Variants in VTI1A observed in about 807,000 individuals in gnomAD.
VTI1A encodes the protein vesicle transport through interaction with t-SNAREs 1A.
Under a neutral mutation model 34.9 loss-of-function variants are expected in VTI1A, and 22 were observed. The observed-to-expected ratio is 0.63, with a 90% CI of 0.45 to 0.90. The LOEUF is 0.90. Among genes scored for constraint, VTI1A ranks in the 40% least tolerant of loss-of-function variants. The pLI, the probability that VTI1A is intolerant of heterozygous loss-of-function variation, is 0.00. For synonymous variants in VTI1A, 87 were observed against 97.3 expected, an observed-to-expected ratio of 0.89 and a Z score of 0.62; for missense variants, 268 against 275.6, an observed-to-expected ratio of 0.97 and a Z score of 0.20.
chr10:112,598,428 A>G (rs1844752631), intron 5 of VTI1A, among the ~76,000 whole-genome samples: 1 of 152,186 alleles, frequency 6.6e-6, no homozygotes, highest in Non-Finnish European at 1.5e-5. Context: ...TCTGTGAAGC[A>G]TTTTGTGATG....
chr10:112,710,413 G>T (rs1207949398), intron 7 of VTI1A, among the ~76,000 whole-genome samples: 2 of 151,834 alleles, frequency 1.3e-5, no homozygotes, highest in East Asian at 1.9e-4. Flanking sequence ...TGCCATGTTG[G>T]TCAGGCTGGT....
chr10:112,476,334 A>C (rs1433909644), intron 3 of VTI1A, among the ~76,000 whole-genome samples: 1 of 152,194 alleles, frequency 6.6e-6, no homozygotes, highest in African/African-American at 2.4e-5. Context: ...CCCTGGGAAA[A>C]GTACTGCATA....
chr10:112,528,235 G>T (rs551722970), intron 4 of VTI1A, among the ~76,000 whole-genome samples: 5 of 152,150 alleles, frequency 3.3e-5, no homozygotes, highest in African/African-American at 1.2e-4. Flanking sequence ...ATCTCAAATA[G>T]ATGATATTAT....
intron 5 of VTI1A, among the ~76,000 whole-genome samples, chr10:112,628,070 T>C (rs114399285): frequency 0.017 from 2,641 of 152,184 alleles, 77 homozygotes; most frequent in African/African-American, 0.06. Flanking sequence ...AAAATAAAAT[T>C]CTATTACATA....
At chr10:112,781,670 G>A (rs901570748) in intron 7 of VTI1A, among the ~76,000 whole-genome samples, 3 of 151,848 alleles carry the variant, frequency 2.0e-5, no homozygotes, top group East Asian at 2.0e-4. Context: ...GTGAAACCCC[G>A]CCTCTACTAA....
At chr10:112,567,672 T>G (rs929982814) in intron 5 of VTI1A, among the ~76,000 whole-genome samples, 10 of 152,232 alleles carry the variant, frequency 6.6e-5, no homozygotes, top group African/African-American at 9.6e-5. Flanking sequence ...TCTACCATGT[T>G]GGATAATTGA....
Position 112,817,812 on chromosome 10 carries a change from C to A in VTI1A, c.*2429C>A, listed in dbSNP as rs980901151. The A allele has an allele frequency of 3.9e-5, 9 of 232,268 alleles. No individual in the cohort carries two copies. Among genetic ancestry groups the A allele is most frequent in the African/African-American group, 2.0e-4 (9 of 45,252 alleles). 14.4% of individuals were successfully genotyped at this position (232,268 alleles called of 1,614,324 possible). A position where few individuals can be genotyped will look rare whatever the true frequency, so the allele number is the denominator to read the frequency against. On this transcript the variant is annotated 3_prime_UTR_variant, in exon 8 of 8. Coordinates refer to ENST00000393077, the MANE Select transcript of VTI1A (RefSeq NM_145206.4). The stretch of plus-strand genomic sequence containing the variant: ...TGTGTAGACTTTGACGAATATTTCT[C>A]AAGTTGGGAGCCCTTGTTAAAAATG...
chr10:112,506,549 G>A (rs1849436957), intron 3 of VTI1A, among the ~76,000 whole-genome samples: 1 of 152,148 alleles, frequency 6.6e-6, no homozygotes, highest in African/African-American at 2.4e-5. Context: ...CCTGGATAAT[G>A]TAGACGTTAC....
At chr10:112,468,997 C>T (rs1444183049) in intron 3 of VTI1A, among the ~76,000 whole-genome samples, 1 of 152,142 alleles carries the variant, frequency 6.6e-6, no homozygotes, top group Non-Finnish European at 1.5e-5. Flanking sequence ...GTTCTTCTGT[C>T]ATTCAAAACC....
At chr10:112,846,208 CCTATTATCAGAA>C in the VTI1A span, among the ~76,000 whole-genome samples, 3 of 152,148 alleles carry the variant, frequency 2.0e-5, no homozygotes, top group Non-Finnish European at 4.4e-5. Flanking sequence ...AGGCCTGAAT[CCTATTATCAGAA>C]CTTTCATGTT....
intron 3 of VTI1A, among the ~76,000 whole-genome samples, chr10:112,512,309 C>T (rs1020826339): frequency 1.3e-5 from 2 of 152,010 alleles, no homozygotes; most frequent in Non-Finnish European, 2.9e-5. Flanking sequence ...TTTGTTATAT[C>T]GAGCATTTTT....
At chr10:112,586,396 G>A (rs559909454) in intron 5 of VTI1A, among the ~76,000 whole-genome samples, 15 of 152,232 alleles carry the variant, frequency 9.9e-5, no homozygotes, top group Non-Finnish European at 2.1e-4. Flanking sequence ...CGAAGTGGGC[G>A]TTTTTAAATG....
chr10:112,648,583 C>T (rs1365593035), intron 5 of VTI1A, among the ~76,000 whole-genome samples: 1 of 152,166 alleles, frequency 6.6e-6, no homozygotes, highest in Non-Finnish European at 1.5e-5. Flanking sequence ...TCCTATGGTA[C>T]TAGAGAACCA....
chr10:112,791,657 G>A (rs952179187), intron 7 of VTI1A, among the ~76,000 whole-genome samples: 1 of 152,104 alleles, frequency 6.6e-6, no homozygotes, highest in Non-Finnish European at 1.5e-5. Context: ...TTTGGCAAAG[G>A]ACTATCTCGT....
intron 5 of VTI1A, among the ~76,000 whole-genome samples, chr10:112,638,255 G>A (rs533440260): frequency 1.8e-4 from 28 of 152,256 alleles, no homozygotes; most frequent in African/African-American, 6.0e-4. Context: ...GATCGATATC[G>A]GTGCAAAGCT....
At chr10:112,472,717 A>G (rs990258247) in intron 3 of VTI1A, among the ~76,000 whole-genome samples, 1 of 152,124 alleles carries the variant, frequency 6.6e-6, no homozygotes, top group African/African-American at 2.4e-5. Context: ...AAACCATGAA[A>G]ACATGTTTTA....
chr10:112,819,495 T>G (rs759274951), downstream of VTI1A, among the ~76,000 whole-genome samples: 7 of 152,012 alleles, frequency 4.6e-5, no homozygotes, highest in Non-Finnish European at 8.8e-5. Context: ...AGAGACATCT[T>G]AAAGGAAGAT....
intron 5 of VTI1A, among the ~76,000 whole-genome samples, chr10:112,585,367 C>G (rs185077645): frequency 6.6e-6 from 1 of 152,252 alleles, no homozygotes; most frequent in South Asian, 2.1e-4. Flanking sequence ...TTTTGCTGCT[C>G]AGAACAGCTA....
chr10:112,668,326 A>G, intron 6 of VTI1A, 38 bp downstream of exon 6: 1 of 1,595,338 alleles, frequency 6.3e-7, no homozygotes, highest in Non-Finnish European at 8.6e-7. Context: ...CATATTCAGT[A>G]AATGAAGACA....
Sources: gnomAD v4.1 joint callset for allele counts (sites outside exome capture counted in the v4.1 genomes callset) on GRCh38, gnomAD v4.1.1 for gene constraint, MANE v1.5 for transcripts, NCBI Gene and HGNC (gene_info 2026-07-23, HGNC 2026-07-21) for gene names.